Variants in ATP2C2 observed in about 807,000 individuals in gnomAD.
ATP2C2 encodes calcium-transporting ATPase type 2C member 2.
Under a neutral mutation model 110.8 loss-of-function variants are expected in ATP2C2, and 171 were observed. The ratio of observed to expected loss-of-function variants is 1.54; its 90% CI spans 1.36 to 1.75. The LOEUF (loss-of-function observed/expected upper bound fraction) is 1.75. Among genes scored for constraint, ATP2C2 ranks in the 40% most tolerant of loss-of-function variants. The pLI is 0.00. For synonymous variants in ATP2C2, 804 were observed against 508.4 expected, an observed-to-expected ratio of 1.58 and a Z score of -7.82; for missense variants, 1,963 against 1,235.0, an observed-to-expected ratio of 1.59 and a Z score of -8.84.
chr16:84,408,463 A>T lies in ATP2C2; in HGVS notation c.386A>T (p.Lys129Met), dbSNP rs375393459. 2 of 1,613,578 alleles carry T rather than the reference A, an allele frequency of 1.2e-6. No homozygotes were observed. Among genetic ancestry groups the T allele is most frequent in the Non-Finnish European group, 1.7e-6 (2 of 1,179,970 alleles). ...TCTGCCCTGGTGAGTGTCCTCACCA[A>T]GGAGTATGAGGACGCCGTCAGCATC... ...LGSALVSVLT[K>M]EYEDAVSIAT... Residue 129 changes from lysine (K) to methionine (M), a missense_variant, in exon 4 of 27, where the codon AAG becomes ATG. Physicochemically the swap from Lys to Met is moderately conservative, Grantham distance 95. Transcript: ENST00000262429.
chr16:84,459,716 C>G (rs1597883940), intron 23 of ATP2C2: 1 of 783,138 alleles, frequency 1.3e-6, no homozygotes, highest in South Asian at 1.7e-5. Flanking sequence ...TGATTGCACT[C>G]CCACTCAATC....
In ATP2C2 at chr16:84,463,834, C is replaced by T. The variant is rs1911652152; in HGVS notation, c.*102C>T. On this transcript the variant is annotated 3_prime_UTR_variant, in exon 27 of 27. Transcript: ENST00000262429. The stretch of plus-strand genomic sequence containing the variant: ...AGGGGAGACTTTTAGGAGGCCGCAG[C>T]CTTCCATCACCGGATCAGTTTTTCC... 9.9e-7 allele frequency: 1 copy of T among 1,014,068 alleles called. No homozygotes were observed. The highest frequency in any genetic ancestry group is 1.5e-6 in the Non-Finnish European group (1 of 666,028). The allele number at this position is 1,014,068 out of a possible 1,614,324, so 62.8% of individuals were successfully genotyped here. A position where few individuals can be genotyped will look rare whatever the true frequency, so the allele number is the denominator to read the frequency against.
At chr16:84,438,412 G>A (rs1908935423) in intron 11 of ATP2C2, among the ~76,000 whole-genome samples, 1 of 152,142 alleles carries the variant, frequency 6.6e-6, no homozygotes, top group Admixed American at 6.5e-5. Context: ...TCAGCCAAAA[G>A]GGATAGAAAG....
At chr16:84,432,134 CT>C (rs1407307231) in intron 11 of ATP2C2, among the ~76,000 whole-genome samples, 2 of 152,100 alleles carry the variant, frequency 1.3e-5, no homozygotes, top group Non-Finnish European at 2.9e-5. Context: ...TTTCAGTAGG[CT>C]TTTCGGGAAC....
chr16:84,375,000 T>C (rs1317984658), intron 1 of ATP2C2, among the ~76,000 whole-genome samples: 1 of 152,170 alleles, frequency 6.6e-6, no homozygotes, highest in Non-Finnish European at 1.5e-5. Flanking sequence ...ATTCGGATGG[T>C]TGTTTGAGGG....
intron 1 of ATP2C2, among the ~76,000 whole-genome samples, chr16:84,397,673 A>AAAAAAAAAAAAAAAAAAAAAATTT (rs1905079752): frequency 7.1e-6 from 1 of 140,404 alleles, no homozygotes; most frequent in Non-Finnish European, 1.5e-5. Flanking sequence ...AAAAAAAAAA[A>AAAAAAAAAAAAAAAAAAAAAATTT]CTTGCTTAAA....
intron 1 of ATP2C2, among the ~76,000 whole-genome samples, chr16:84,389,705 C>G (rs1326937686): frequency 1.3e-5 from 2 of 149,044 alleles, no homozygotes; most frequent in East Asian, 4.0e-4. Context: ...CTGGGAACTT[C>G]ACTCTCACTG....
At position 84,410,728 on chromosome 16, in the gene ATP2C2, G is replaced by C. The variant is rs766641250; in HGVS notation, c.478G>C (p.Glu160Gln). 1.1e-5 allele frequency: 17 copies of C among 1,614,060 alleles called. No homozygotes were observed. Among genetic ancestry groups the C allele is most frequent in the Non-Finnish European group, 1.4e-5 (17 of 1,180,026 alleles). ...IQEYRSEKSL[E>Q]ELTKLVPPEC... ...GGAGTACAGGTCGGAGAAATCTCTG[G>C]AAGAGCTGACCAAGCTGGTTCCTCC... Residue 160 changes from glutamate (E) to glutamine (Q), a missense_variant, in exon 6 of 27, where the codon GAA becomes CAA. Glu to Gln is a conservative substitution (Grantham distance 29). Transcript: ENST00000262429.
chr16:84,432,308 T>C (rs1429650582), intron 11 of ATP2C2, among the ~76,000 whole-genome samples: 1 of 152,186 alleles, frequency 6.6e-6, no homozygotes, highest in African/African-American at 2.4e-5. Flanking sequence ...AGGATACATG[T>C]GCAGAATGTG....
chr16:84,445,201 C>T (rs986405188), intron 15 of ATP2C2, among the ~76,000 whole-genome samples: 1 of 150,016 alleles, frequency 6.7e-6, no homozygotes, highest in Non-Finnish European at 1.5e-5. Context: ...CTCTGCGCAG[C>T]GTTTTCCTCT....
At position 84,460,721 on chromosome 16, in the gene ATP2C2, C is replaced by G; in HGVS notation, c.2401C>G (p.Leu801Val). The change falls in exon 24 of 27, where the codon CTC becomes GTC. Residue 801 changes from leucine to valine, a missense_variant. Transcript: ENST00000262429. ...QPPRSVRDTI[L>V]SRALILKILM... is the part of the protein sequence containing the mutation. The stretch of plus-strand genomic sequence containing the variant: ...ACCACGGAGTGTGCGGGACACCATC[C>G]TCAGCAGAGCCCTCATCCTGAAGAT... 1 of 1,614,196 alleles carries G rather than the reference C, an allele frequency of 6.2e-7. No homozygotes were observed. Among genetic ancestry groups the G allele is most frequent in the African/African-American group, 1.3e-5 (1 of 75,062 alleles).
intron 1 of ATP2C2, among the ~76,000 whole-genome samples, chr16:84,371,823 C>T (rs983520132): frequency 4.6e-5 from 7 of 152,174 alleles, no homozygotes; most frequent in Admixed American, 1.3e-4. Flanking sequence ...CCTAGATTCA[C>T]GGAGGGGGCT....
chr16:84,463,961 G>GAAAC lies in ATP2C2; in HGVS notation c.*231_*234dup, dbSNP rs968321900. Reference sequence around the variant, plus strand: ...GGACAGACAGGGAGGGGCCTGTACAGAAACACCACACTGTTTATTAAATCA... The same window carrying GAAAC: ...GGACAGACAGGGAGGGGCCTGTACAGAAACAAACACCACACTGTTTATTAAATCA... On this transcript the variant is annotated 3_prime_UTR_variant, in exon 27 of 27. Transcript: ENST00000262429. 7.9e-6 allele frequency: 4 copies of GAAAC among 508,512 alleles called. No homozygotes were observed. The Admixed American group carries it at 1.0e-4, about 13-fold the overall frequency. 31.5% of individuals were successfully genotyped at this position (508,512 alleles called of 1,614,324 possible).
intron 2 of ATP2C2, among the ~76,000 whole-genome samples, chr16:84,403,218 A>T (rs1292816154): frequency 3.3e-5 from 5 of 151,036 alleles, no homozygotes; most frequent in African/African-American, 9.8e-5. Flanking sequence ...GTTTACCTTT[A>T]AAAAAAAATA....
chr16:84,396,374 C>G (rs1363731959), intron 1 of ATP2C2, among the ~76,000 whole-genome samples: 1 of 151,586 alleles, frequency 6.6e-6, no homozygotes, highest in South Asian at 2.1e-4. Context: ...GGTGAAAACC[C>G]GTCTCTACTA....
chr16:84,443,776 C>A (rs1377440328), intron 15 of ATP2C2, among the ~76,000 whole-genome samples: 1 of 152,190 alleles, frequency 6.6e-6, no homozygotes, highest in Non-Finnish European at 1.5e-5. Flanking sequence ...CCTCCCACAC[C>A]ACTGCCTTCC....
chr16:84,401,220 A>ATTT (rs1905297166), intron 2 of ATP2C2, among the ~76,000 whole-genome samples: 1 of 70,192 alleles, frequency 1.4e-5, no homozygotes, highest in Non-Finnish European at 2.9e-5. Flanking sequence ...GAAGTCTTTA[A>ATTT]TCTTTTTTTT....
intron 1 of ATP2C2, among the ~76,000 whole-genome samples, chr16:84,388,486 G>A (rs954723147): frequency 2.0e-5 from 3 of 152,212 alleles, no homozygotes; most frequent in Non-Finnish European, 4.4e-5. Flanking sequence ...ATTTCCAGGT[G>A]ATGCTGGCCT....
At position 84,448,519 on chromosome 16, in the gene ATP2C2, T is replaced by G. The variant is rs552160134; in HGVS notation, c.1504-14T>G. On this transcript the variant is annotated splice_polypyrimidine_tract_variant and intron_variant, in intron 16 of 26. Transcript: ENST00000262429. ...TCCAGTGATAGTGGATTTCTTCCCTTTGTCTTTTCTAAGGATCAGGAAGAC... is the reference window on the plus strand; with the variant it reads ...TCCAGTGATAGTGGATTTCTTCCCTGTGTCTTTTCTAAGGATCAGGAAGAC... 1 of 1,601,938 alleles carries G rather than the reference T, an allele frequency of 6.2e-7. No homozygotes were observed. The highest frequency in any genetic ancestry group is 8.5e-7 in the Non-Finnish European group (1 of 1,171,318).
Sources: allele counts gnomAD v4.1 joint callset (sites outside exome capture counted in the v4.1 genomes callset), GRCh38; gene constraint gnomAD v4.1.1; transcripts MANE v1.5; gene names NCBI Gene and HGNC (gene_info 2026-07-23, HGNC 2026-07-21).